BANF2: variants seen among roughly 807,000 people sequenced by gnomAD.
The protein encoded by BANF2 is BANF family member 2, also known as barrier-to-autointegration factor-like protein.
Under a neutral mutation model 8.0 loss-of-function variants are expected in BANF2, and 4 were observed. That is an observed-to-expected ratio of 0.50 (90% CI 0.25 to 1.14). The LOEUF (loss-of-function observed/expected upper bound fraction) is 1.14, where lower values mean the gene tolerates loss of function less well. Among genes scored for constraint, BANF2 ranks in the 50% most tolerant of loss-of-function variants. BANF2 has a pLI of 0.16. For missense variants in BANF2, 96 were observed against 107.5 expected, an observed-to-expected ratio of 0.89 and a Z score of 0.47; for synonymous variants, 50 against 40.6, an observed-to-expected ratio of 1.23 and a Z score of -0.88.
At chr20:17,732,914 G>A (rs2037920983) in intron 3 of BANF2, among the ~76,000 whole-genome samples, 2 of 152,180 alleles carry the variant, frequency 1.3e-5, no homozygotes, top group African/African-American at 4.8e-5. Flanking sequence ...GGCCATGATG[G>A]GAGCCCACGA....
intron 1 of BANF2, among the ~76,000 whole-genome samples, chr20:17,719,834 G>A (rs965798824): frequency 6.6e-6 from 1 of 152,186 alleles, no homozygotes; most frequent in African/African-American, 2.4e-5. Flanking sequence ...GGTAGACACT[G>A]CCTGGGAGCT....
chr20:17,714,070 G>T (rs901995966), intron 1 of BANF2, among the ~76,000 whole-genome samples: 5 of 151,504 alleles, frequency 3.3e-5, no homozygotes, highest in Non-Finnish European at 7.4e-5. Flanking sequence ...GCCAGGCATG[G>T]TGACAGGTGC....
At chr20:17,726,718 G>A (rs576278372) in intron 3 of BANF2, among the ~76,000 whole-genome samples, 3 of 152,310 alleles carry the variant, frequency 2.0e-5, no homozygotes, top group Non-Finnish European at 2.9e-5. Context: ...TATCCTTAGA[G>A]GTAACCACTC....
intron 1 of BANF2, among the ~76,000 whole-genome samples, chr20:17,717,664 G>A (rs1471838241): frequency 3.3e-5 from 5 of 152,074 alleles, no homozygotes; most frequent in Non-Finnish European, 7.4e-5. Context: ...AATTTTGAAA[G>A]GCATACTTTT....
At chr20:17,723,167 AC>A (rs145520432) in intron 2 of BANF2, among the ~76,000 whole-genome samples, 21,331 of 152,064 alleles carry the variant, frequency 0.14, 1,570 homozygotes, top group Middle Eastern at 0.29. Flanking sequence ...CCCCAGCCCC[AC>A]CCCTGCAGCC....
intron 1 of BANF2, among the ~76,000 whole-genome samples, chr20:17,719,831 A>T (rs2037704942): frequency 1.3e-5 from 2 of 152,166 alleles, no homozygotes; most frequent in African/African-American, 4.8e-5. Flanking sequence ...GGGGGTAGAC[A>T]CTGCCTGGGA....
chr20:17,716,772 C>T (rs1311389076), intron 1 of BANF2, among the ~76,000 whole-genome samples: 2 of 121,828 alleles, frequency 1.6e-5, no homozygotes, highest in African/African-American at 6.3e-5. Flanking sequence ...GCCCAGGAGG[C>T]GGAGGTTGCA....
chr20:17,701,068 C>G (rs1467966305), intron 1 of BANF2, among the ~76,000 whole-genome samples: 3 of 152,168 alleles, frequency 2.0e-5, no homozygotes, highest in African/African-American at 7.2e-5. Flanking sequence ...TACCCTTAGG[C>G]TTTGCCATCC....
At chr20:17,699,770 C>T (rs2037382344), upstream of BANF2, among the ~76,000 whole-genome samples, 1 of 152,194 alleles carries the variant, frequency 6.6e-6, no homozygotes. Context: ...CTCACTCTTT[C>T]CCAGCAACCC....
intron 3 of BANF2, among the ~76,000 whole-genome samples, chr20:17,732,407 C>G (rs138283284): frequency 6.6e-6 from 1 of 152,238 alleles, no homozygotes; most frequent in Non-Finnish European, 1.5e-5. Context: ...CACTCTGTTG[C>G]CCAGGCTGGA....
Position 17,722,729 on chromosome 20 carries a change from A to G in BANF2, c.-153A>G. On this transcript the variant is annotated 5_prime_UTR_variant, in exon 2 of 4. Transcript: ENST00000246090. The stretch of plus-strand genomic sequence containing the variant: ...TCCCCTTCCTAGAATCTGCTGACAC[A>G]TCAAGGCCACTTTTCTTAGGAGCCC... The G allele has an allele frequency of 1.0e-6, 1 of 984,794 alleles. No individual in the cohort carries two copies. 61.0% of individuals were successfully genotyped at this position (984,794 alleles called of 1,614,324 possible).
chr20:17,716,517 G>T (rs932964960), intron 1 of BANF2, among the ~76,000 whole-genome samples: 3 of 151,962 alleles, frequency 2.0e-5, no homozygotes, highest in African/African-American at 7.2e-5. Context: ...TAAAGACAAG[G>T]TTGTGGCATG....
At chr20:17,733,354 T>G (rs2037929422) in intron 3 of BANF2, among the ~76,000 whole-genome samples, 1 of 152,230 alleles carries the variant, frequency 6.6e-6, no homozygotes, top group Admixed American at 6.5e-5. Context: ...TTAAAACGTG[T>G]CAGGTGTCTA....
chr20:17,719,498 G>A (rs959614632), intron 1 of BANF2, among the ~76,000 whole-genome samples: 1 of 152,004 alleles, frequency 6.6e-6, no homozygotes, highest in Non-Finnish European at 1.5e-5. Context: ...GAGAAATTAG[G>A]GGTTTAGGCT....
chr20:17,714,097 T>C (rs2037614930), intron 1 of BANF2, among the ~76,000 whole-genome samples: 1 of 149,130 alleles, frequency 6.7e-6, no homozygotes, highest in Non-Finnish European at 1.5e-5. Flanking sequence ...TCCTAGCTAC[T>C]TGGCAGGCTT....
intron 1 of BANF2, among the ~76,000 whole-genome samples, chr20:17,703,527 C>G (rs999784830): frequency 6.6e-6 from 1 of 152,126 alleles, no homozygotes; most frequent in East Asian, 1.9e-4. Flanking sequence ...AGCAAAGATT[C>G]GTATTTCTTC....
chr20:17,716,080 G>T (rs1442198869), intron 1 of BANF2, among the ~76,000 whole-genome samples: 1 of 152,016 alleles, frequency 6.6e-6, no homozygotes, highest in Admixed American at 6.5e-5. Flanking sequence ...AGAAGGTGAG[G>T]GGTGGTCACT....
At chr20:17,693,945 A>G (rs1233858937) in intron 1 of BANF2, among the ~76,000 whole-genome samples, 1 of 152,240 alleles carries the variant, frequency 6.6e-6, no homozygotes, top group Non-Finnish European at 1.5e-5. Flanking sequence ...GTTCAGATCT[A>G]TGGCCGACGG....
intron 3 of BANF2, among the ~76,000 whole-genome samples, chr20:17,730,834 C>T (rs1440664990): frequency 2.6e-5 from 4 of 152,196 alleles, no homozygotes; most frequent in Admixed American, 2.0e-4. Flanking sequence ...ACAAGGGGCC[C>T]GTCACGTAAG....
Sources: allele counts gnomAD v4.1 joint callset (sites outside exome capture counted in the v4.1 genomes callset), GRCh38; gene constraint gnomAD v4.1.1; transcripts MANE v1.5; gene names NCBI Gene and HGNC (gene_info 2026-07-23, HGNC 2026-07-21).